The following CD226 variants were observed in gnomAD, a reference collection of about 807,000 sequenced individuals.
The protein encoded by CD226 is CD226 antigen.
A neutral mutation model predicts 34.9 loss-of-function variants in CD226; 24 were observed. The observed-to-expected ratio is 0.69, with a 90% CI of 0.50 to 0.97. CD226 has a LOEUF of 0.97. CD226 is among the 50% of genes least tolerant of loss of function. The probability of loss-of-function intolerance (pLI) is 0.00; values close to 1 mark genes in which losing one functional copy is unlikely to be tolerated. For missense variants in CD226, 397 were observed against 412.7 expected (o/e 0.96, Z 0.33); for synonymous variants, 148 against 147.4 (o/e 1.00, Z -0.03).
upstream of CD226, among the ~76,000 whole-genome samples, chr18:69,951,091 T>C (rs767842521): frequency 8.6e-5 from 13 of 151,790 alleles, no homozygotes; most frequent in Non-Finnish European, 1.6e-4. Context: ...TTCAGCCTCC[T>C]GGGTAGCTGG....
intron 3 of CD226, among the ~76,000 whole-genome samples, chr18:69,876,853 A>C (rs1030177822): frequency 1.5e-5 from 2 of 131,662 alleles, no homozygotes; most frequent in South Asian, 2.4e-4. Flanking sequence ...AGGCCTCTAG[A>C]ACTTTTTTTT....
At position 69,873,188 on chromosome 18, in the gene CD226, C is replaced by A; in HGVS notation, c.786G>T (p.Leu262Phe). The change falls in exon 4 of 6, where the codon TTG becomes TTT. Residue 262 changes from leucine to phenylalanine, a missense_variant. Physicochemically the swap from Leu to Phe is conservative, Grantham distance 22. Coordinates refer to ENST00000582621, the MANE Select transcript of CD226 (RefSeq NM_001303618.2). Reference sequence around the variant, plus strand: ...TGATGGTGGTAATTGAGATAACAAACAACAACAATAAAACTGTCCCTCCAG... The same window carrying A: ...TGATGGTGGTAATTGAGATAACAAAAAACAACAATAAAACTGTCCCTCCAG... ...FVAGGTVLLL[L>F]FVISITTIIV... 1 of 1,608,924 alleles carries A rather than the reference C, an allele frequency of 6.2e-7. No homozygotes were observed. The highest frequency in any genetic ancestry group is 1.1e-5 in the South Asian group (1 of 90,992).
At chr18:69,941,094 A>C (rs112469226) in intron 2 of CD226, among the ~76,000 whole-genome samples, 1,899 of 152,370 alleles carry the variant, frequency 0.012, 19 homozygotes, top group Non-Finnish European at 0.02. Context: ...GGTGCACAGA[A>C]GTCAAGAACT....
intron 2 of CD226, among the ~76,000 whole-genome samples, chr18:69,905,018 G>T (rs898913755): frequency 1.3e-5 from 2 of 152,154 alleles, no homozygotes; most frequent in Non-Finnish European, 2.9e-5. Flanking sequence ...AATAAGCCTT[G>T]AACGAGTCCT....
At chr18:69,895,589 T>C (rs1985221110) in intron 3 of CD226, 112 bp downstream of exon 3, 2 of 773,110 alleles carry the variant, frequency 2.6e-6, no homozygotes, top group East Asian at 4.9e-5. Context: ...TTTAAAAAAA[T>C]GCTGAATATG....
At chr18:69,934,878 G>T (rs1051206461) in intron 2 of CD226, among the ~76,000 whole-genome samples, 11 of 152,276 alleles carry the variant, frequency 7.2e-5, no homozygotes, top group African/African-American at 2.2e-4. Flanking sequence ...TGACTTGATG[G>T]TCTTGAAATT....
At chr18:69,936,090 G>A (rs555954551) in intron 2 of CD226, among the ~76,000 whole-genome samples, 5 of 152,238 alleles carry the variant, frequency 3.3e-5, no homozygotes, top group Middle Eastern at 3.4e-3. Context: ...CGAGACAGAC[G>A]GACAATCTCA....
In CD226 at chr18:69,855,296, G is replaced by C. The variant is rs1335127602; in HGVS notation, c.*9018C>G. ...AATAGACAACAGATGGATAATGTAA[G>C]AAGAAAGATGGAAACACTAAGAAGG... On this transcript the variant is annotated 3_prime_UTR_variant, in exon 6 of 6. Coordinates refer to ENST00000582621, the MANE Select transcript of CD226 (RefSeq NM_001303618.2). The C allele has an allele frequency of 6.6e-6, 1 of 151,946 alleles. No homozygotes were observed. The highest frequency in any genetic ancestry group is 1.5e-5 in the Non-Finnish European group (1 of 67,994). The allele number at this position is 151,946 out of a possible 1,614,324, so 9.4% of individuals were successfully genotyped here.
chr18:69,930,310 T>G (rs749953317), intron 2 of CD226, among the ~76,000 whole-genome samples: 6 of 152,136 alleles, frequency 3.9e-5, no homozygotes, highest in Non-Finnish European at 8.8e-5. Flanking sequence ...GCATAAAAGA[T>G]GACTTCTATG....
At chr18:69,955,109 G>T (rs11151548) in intron 1 of CD226, among the ~76,000 whole-genome samples, 12,069 of 151,768 alleles carry the variant, frequency 0.08, 663 homozygotes, top group Middle Eastern at 0.29. Flanking sequence ...AGACTCCTAG[G>T]TGGCCTGGGT....
upstream of CD226, among the ~76,000 whole-genome samples, chr18:69,959,727 A>C (rs1382508695): frequency 6.6e-6 from 1 of 152,208 alleles, no homozygotes; most frequent in East Asian, 1.9e-4. Flanking sequence ...TAAAACCATG[A>C]GGTGGAAGGT....
At chr18:69,890,419 A>C (rs1984824801) in intron 3 of CD226, among the ~76,000 whole-genome samples, 3 of 152,254 alleles carry the variant, frequency 2.0e-5, no homozygotes, top group Admixed American at 2.0e-4. Context: ...TCTACCAAAA[A>C]TACAAAAATT....
rs1435116707 is a variant in CD226, at chr18:69,868,735, C to T, written c.831-1324G>A. ...GTTCACAAGGCTTGCTATCTCACAA[C>T]GTGCAGTTAACGTTCCCAACCAGGC... On this transcript the variant is annotated intron_variant, in intron 4 of 5. Transcript: ENST00000582621. 2.6e-5 allele frequency among the ~76,000 whole-genome samples: 4 copies of T among 152,234 alleles called. No individual in the cohort carries two copies. In the East Asian group the frequency reaches 5.8e-4, roughly 22 times the overall value.
chr18:69,955,257 T>G (rs1323947253), intron 1 of CD226, among the ~76,000 whole-genome samples: 1 of 152,232 alleles, frequency 6.6e-6, no homozygotes, highest in Non-Finnish European at 1.5e-5. Flanking sequence ...GATGTCTCTA[T>G]GGTTTCTGAG....
intron 2 of CD226, among the ~76,000 whole-genome samples, chr18:69,932,398 T>A: frequency 6.6e-6 from 1 of 152,334 alleles, no homozygotes; most frequent in South Asian, 2.1e-4. Context: ...TAAGTAAGCA[T>A]GTGGGTTTGC....
At chr18:69,927,781 A>G (rs535665642) in intron 2 of CD226, among the ~76,000 whole-genome samples, 11 of 152,350 alleles carry the variant, frequency 7.2e-5, no homozygotes, top group African/African-American at 1.4e-4. Flanking sequence ...TTATATACAT[A>G]TACGCATAAT....
At chr18:69,896,955 T>C (rs1029673984) in intron 2 of CD226, among the ~76,000 whole-genome samples, 3 of 152,174 alleles carry the variant, frequency 2.0e-5, no homozygotes, top group South Asian at 2.1e-4. Flanking sequence ...ATTCCTACCA[T>C]AAAGTACTCA....
At chr18:69,879,200 CT>C (rs1984062973) in intron 3 of CD226, among the ~76,000 whole-genome samples, 1 of 152,180 alleles carries the variant, frequency 6.6e-6, no homozygotes, top group Admixed American at 6.5e-5. Context: ...CACACTGTCA[CT>C]GATAAACATC....
chr18:69,932,382 T>C (rs1344937389), intron 2 of CD226, among the ~76,000 whole-genome samples: 4 of 152,132 alleles, frequency 2.6e-5, no homozygotes, highest in Admixed American at 2.6e-4. Flanking sequence ...GCAAAGAAAA[T>C]GCATCTAAGT....
Sources: allele counts gnomAD v4.1 joint callset (sites outside exome capture counted in the v4.1 genomes callset), GRCh38; gene constraint gnomAD v4.1.1; transcripts MANE v1.5; gene names NCBI Gene and HGNC (gene_info 2026-07-23, HGNC 2026-07-21).